HSPG2: variants seen among roughly 807,000 people sequenced by gnomAD.
HSPG2 encodes heparan sulfate proteoglycan 2.
Under a neutral mutation model 526.6 loss-of-function variants are expected in HSPG2, and 278 were observed. That is an observed-to-expected ratio of 0.53 (90% CI 0.48 to 0.58). HSPG2 has a LOEUF of 0.58. Ranked by LOEUF, HSPG2 falls within the 20% of genes least tolerant of loss-of-function variation. HSPG2 has a pLI of 0.00. For missense variants in HSPG2, 5,354 were observed against 6,099.5 expected, an observed-to-expected ratio of 0.88 and a Z score of 4.07; for synonymous variants, 2,465 against 2,555.4, an observed-to-expected ratio of 0.96 and a Z score of 1.07.
intron 42 of HSPG2, among the ~76,000 whole-genome samples, 190 bp from the exon 43 acceptor site, chr1:21,857,575 G>C (rs1384735685): frequency 2.0e-5 from 3 of 151,950 alleles, no homozygotes; most frequent in Admixed American, 2.0e-4. Flanking sequence ...TGCCAGCACA[G>C]AGTGGCCACA....
rs1055193870 is a variant in HSPG2 at position 21,859,588 on chromosome 1, G to A, written c.5271C>T (p.Ser1757=). ...CACCAGTGACCAGCAGCTCTGCCCG[G>A]CTGGTATTGGATTGGTGGAGATTAC... ...TCRNLHQSNT[S]RAELLVTEAP... The change falls in exon 42 of 97, where the codon AGC becomes AGT. Residue 1757 remains serine, a synonymous_variant. Coordinates refer to ENST00000374695, the MANE Select transcript of HSPG2 (RefSeq NM_005529.7). The surrounding 1 kb of genome is among the most constrained non-coding windows in gnomAD (Gnocchi z 5.3). The A allele has an allele frequency of 1.2e-6, 2 of 1,604,572 alleles. No individual in the cohort carries two copies. The highest frequency in any genetic ancestry group is 1.7e-6 in the Non-Finnish European group (2 of 1,175,686).
In HSPG2 at chr1:21,895,974, C is replaced by A; in HGVS notation, c.200-8G>T. 2 of 1,613,822 alleles carry A rather than the reference C, an allele frequency of 1.2e-6. No individual in the cohort carries two copies. Among genetic ancestry groups the A allele is most frequent in the Non-Finnish European group, 1.7e-6 (2 of 1,179,842 alleles). ...CCCCACTGCCCAGGTCGTCTATAAG[C>A]AAAAAAGAGATGTAATCAGCAACAA... On this transcript the variant is annotated splice_polypyrimidine_tract_variant and splice_region_variant and intron_variant, in intron 2 of 96. Coordinates refer to ENST00000374695, the MANE Select transcript of HSPG2 (RefSeq NM_005529.7). This position sits in a 1 kb window ranked among gnomAD's most constrained non-coding sequence, Gnocchi z 4.1.
chr1:21,937,027 T>G (rs1569766888), intron 1 of HSPG2, 128 bp downstream of exon 1: 2 of 231,824 alleles, frequency 8.6e-6, no homozygotes, highest in Non-Finnish European at 1.4e-5. Context: ...GGCGCCGCCG[T>G]CCCGGGCCAG....
Position 21,898,088 on chromosome 1 carries a change from G to A in HSPG2, c.64-1778C>T, listed in dbSNP as rs1642876083. Among the ~76,000 whole-genome samples the A allele has an allele frequency of 2.0e-5, 3 of 152,236 alleles. No individual in the cohort carries two copies. The highest frequency in any genetic ancestry group is 3.4e-3 in the Middle Eastern group (1 of 294). ...ACTTGAATGAATGAATAAATGAACGGACAAAAACGGAATTCATCACCTATG... is the reference window on the plus strand; with the variant it reads ...ACTTGAATGAATGAATAAATGAACGAACAAAAACGGAATTCATCACCTATG... On this transcript the variant is annotated intron_variant, in intron 1 of 96. Transcript: ENST00000374695. The surrounding 1 kb of genome is among the most constrained non-coding windows in gnomAD (Gnocchi z 4.0).
Position 21,838,828 on chromosome 1 carries a change from G to T in HSPG2, c.10147C>A (p.Gln3383Lys). 6.2e-7 allele frequency: 1 copy of T among 1,612,010 alleles called. No homozygotes were observed. Among genetic ancestry groups the T allele is most frequent in the Non-Finnish European group, 8.5e-7 (1 of 1,179,552 alleles). The change falls in exon 74 of 97, where the codon CAA (glutamine) becomes AAA (lysine). Residue 3383 changes from glutamine to lysine, a missense_variant. Coordinates refer to ENST00000374695, the MANE Select transcript of HSPG2 (RefSeq NM_005529.7). ...SAEAFAQLLV[Q>K]GPPGSLPATS... ...ACGCAGAGCCGGGGCTGCTTACCTTGGACGAGCAGCTGGGCAAAGGCCTCG... is the reference window on the plus strand; with the variant it reads ...ACGCAGAGCCGGGGCTGCTTACCTTTGACGAGCAGCTGGGCAAAGGCCTCG...
At chr1:21,844,004 G>A (rs184909581) in intron 65 of HSPG2, 144 bp downstream of exon 65, 18 of 1,099,776 alleles carry the variant, frequency 1.6e-5, no homozygotes, top group African/African-American at 1.1e-4. Flanking sequence ...TGCCCAGCCC[G>A]CTCTCAACTT....
chr1:21,860,498 AT>A (rs35087204), intron 39 of HSPG2, among the ~76,000 whole-genome samples: 17 of 147,370 alleles, frequency 1.2e-4, no homozygotes, highest in East Asian at 4.0e-4. Context: ...GCAAACGTCC[AT>A]TTTTTTTTTT....
Position 21,874,966 on chromosome 1 carries a change from C to G in HSPG2, c.3339G>C (p.Glu1113Asp), listed in dbSNP as rs973581146. 21 of 1,610,248 alleles carry G rather than the reference C, an allele frequency of 1.3e-5. No individual in the cohort carries two copies. The highest frequency in any genetic ancestry group is 1.8e-5 in the Non-Finnish European group (21 of 1,178,506). ...SGISMDVAVP[E>D]ETGQDPALEV... ...CCAGCGCGGGGTCCTGGCCGGTTTC[C>G]TCGGGCACAGCCACGTCCATGCTGA... Residue 1113 changes from glutamate to aspartate, a missense_variant, in exon 26 of 97, where the codon GAG becomes GAC. Transcript: ENST00000374695.
At chr1:21,932,485 G>A (rs908317883) in intron 1 of HSPG2, among the ~76,000 whole-genome samples, 11 of 152,212 alleles carry the variant, frequency 7.2e-5, no homozygotes, top group African/African-American at 2.2e-4. Context: ...TACCTGCCAG[G>A]TGCTAAGCAT....
chr1:21,838,725 G>A, intron 74 of HSPG2, 100 bp downstream of exon 74: 6 of 1,283,842 alleles, frequency 4.7e-6, no homozygotes, highest in Non-Finnish European at 6.6e-6. Context: ...TCCAGGTGGG[G>A]TTATGGAGGG....
chr1:21,851,465 G>C, intron 55 of HSPG2, 81 bp downstream of exon 55: 2 of 1,598,236 alleles, frequency 1.3e-6, no homozygotes, highest in South Asian at 2.2e-5. Flanking sequence ...TCTCAGGGGA[G>C]CCTCTAGCCC....
At chr1:21,927,089 G>A (rs1007942923) in intron 1 of HSPG2, among the ~76,000 whole-genome samples, 3 of 152,194 alleles carry the variant, frequency 2.0e-5, no homozygotes, top group African/African-American at 7.2e-5. Context: ...GCCAGAGGCA[G>A]CTGGGAATCC....
Position 21,880,964 on chromosome 1 carries a change from T to A in HSPG2, c.1819-129A>T. Reference sequence around the variant, plus strand: ...CTGAGACTTACTGTGTGCCAGGCACTGAGCTAGGCACAGGGAAACCGAGAT... The same window carrying A: ...CTGAGACTTACTGTGTGCCAGGCACAGAGCTAGGCACAGGGAAACCGAGAT... On this transcript the variant is annotated intron_variant, in intron 14 of 96. Transcript: ENST00000374695. The A allele has an allele frequency of 4.1e-6, 4 of 984,898 alleles. No homozygotes were observed. The South Asian group carries it at 5.5e-5, about 14-fold the overall frequency. 61.0% of individuals were successfully genotyped at this position (984,898 alleles called of 1,614,324 possible).
At chr1:21,908,549 T>A in intron 1 of HSPG2, 2 of 912,344 alleles carry the variant, frequency 2.2e-6, no homozygotes, top group Non-Finnish European at 3.7e-6. Context: ...CCTGAGCTGC[T>A]GGAACCTATT....
At position 21,839,001 on chromosome 1, in the gene HSPG2, G is replaced by A. The variant is rs1237367957; in HGVS notation, c.9974C>T (p.Thr3325Ile). ...GCTCCACTGGAAGGTGAGTGGGGGT[G>A]TCCCGTGAGCCAGGCACTGGAGCTG... ...TVQLQCLAHGTPPLTFQWSRV... is the reference protein window; with the variant it reads ...TVQLQCLAHGIPPLTFQWSRV... Residue 3325 changes from threonine (T) to isoleucine (I), a missense_variant, in exon 74 of 97, where the codon ACA (threonine) becomes ATA (isoleucine). Physicochemically the swap from Thr to Ile is moderately conservative, Grantham distance 89. Transcript: ENST00000374695. The surrounding 1 kb of genome is among the most constrained non-coding windows in gnomAD (Gnocchi z 4.5). 2 of 1,610,020 alleles carry A rather than the reference G, an allele frequency of 1.2e-6. No homozygotes were observed. The highest frequency in any genetic ancestry group is 2.7e-5 in the African/African-American group (2 of 74,862).
intron 1 of HSPG2, among the ~76,000 whole-genome samples, chr1:21,911,231 G>C (rs1485500661): frequency 6.6e-6 from 1 of 152,194 alleles, no homozygotes; most frequent in Non-Finnish European, 1.5e-5. Context: ...CCTCCCCAAG[G>C]GCAGCAGCTG....
rs1468004371 is a variant in HSPG2 at position 21,851,636 on chromosome 1, C to A, written c.7068G>T (p.Gln2356His). The change falls in exon 55 of 97, where the codon CAG (glutamine) becomes CAT (histidine). Residue 2356 changes from glutamine to histidine, a missense_variant. Gln to His is a conservative substitution (Grantham distance 24). Transcript: ENST00000374695. ...EPSSSQVAEG[Q>H]TLDLNCVVPG... ...GCACCACGCAGTTCAGATCCAGGGTCTGCCCTTCCGCCACTTGCGAGGAGG... is the reference window on the plus strand; with the variant it reads ...GCACCACGCAGTTCAGATCCAGGGTATGCCCTTCCGCCACTTGCGAGGAGG... 1 of 1,614,032 alleles carries A rather than the reference C, an allele frequency of 6.2e-7. No individual in the cohort carries two copies. Among genetic ancestry groups the A allele is most frequent in the South Asian group, 1.1e-5 (1 of 91,086 alleles).
At position 21,842,162 on chromosome 1, in the gene HSPG2, G is replaced by A. The variant is rs957771072; in HGVS notation, c.9053-20C>T. 2 of 1,613,394 alleles carry A rather than the reference G, an allele frequency of 1.2e-6. No individual in the cohort carries two copies. Among genetic ancestry groups the A allele is most frequent in the African/African-American group, 2.7e-5 (2 of 74,934 alleles). Reference sequence around the variant, plus strand: ...TAAGGCCTGGGGCCAAAGGGGCAGAGGGCTGGGCTCAGCAGGGGTGGGCTT... The same window carrying A: ...TAAGGCCTGGGGCCAAAGGGGCAGAAGGCTGGGCTCAGCAGGGGTGGGCTT... On this transcript the variant is annotated intron_variant, in intron 68 of 96. Transcript: ENST00000374695.
chr1:21,937,264 C>T lies in HSPG2; in HGVS notation c.-47G>A. On this transcript the variant is annotated 5_prime_UTR_variant, in exon 1 of 97. Coordinates refer to ENST00000374695, the MANE Select transcript of HSPG2 (RefSeq NM_005529.7). ...TCGCTCGCTCGCTCCGCGCCGCCCGCTCCGCGCCGCCCGCAGCCGCCCGCT... is the reference window on the plus strand; with the variant it reads ...TCGCTCGCTCGCTCCGCGCCGCCCGTTCCGCGCCGCCCGCAGCCGCCCGCT... 6.5e-6 allele frequency: 5 copies of T among 763,888 alleles called. No homozygotes were observed. Among genetic ancestry groups the T allele is most frequent in the Non-Finnish European group, 7.9e-6 (5 of 630,454 alleles). The allele number at this position is 763,888 out of a possible 1,614,324, so 47.3% of individuals were successfully genotyped here. A position where few individuals can be genotyped will look rare whatever the true frequency, so the allele number is the denominator to read the frequency against.
Sources: allele counts gnomAD v4.1 joint callset (sites outside exome capture counted in the v4.1 genomes callset), GRCh38; gene constraint gnomAD v4.1.1; non-coding constraint Gnocchi (gnomAD v3.1); transcripts MANE v1.5; gene names NCBI Gene and HGNC (gene_info 2026-07-23, HGNC 2026-07-21).